OPRD1: variants seen among roughly 807,000 people sequenced by gnomAD.
The protein encoded by OPRD1 is delta-type opioid receptor.
Under a neutral mutation model 17.5 loss-of-function variants are expected in OPRD1, and 19 were observed. The ratio of observed to expected loss-of-function variants is 1.09; its 90% CI spans 0.76 to 1.60. The LOEUF (loss-of-function observed/expected upper bound fraction) is 1.60, where lower values mean the gene tolerates loss of function less well. Ranked by LOEUF, OPRD1 falls within the 40% of genes most tolerant of loss-of-function variation. The pLI is 0.00. For missense variants in OPRD1, 483 were observed against 547.2 expected (o/e 0.88, Z 1.17); for synonymous variants, 256 against 240.9 (o/e 1.06, Z -0.58).
intron 1 of OPRD1, among the ~76,000 whole-genome samples, chr1:28,821,300 A>G (rs1044416610): frequency 6.6e-6 from 1 of 151,964 alleles, no homozygotes; most frequent in African/African-American, 2.4e-5. Context: ...ATGGGGTGTC[A>G]CCATCTTGGC....
At chr1:28,821,398 G>A (rs1289226851) in intron 1 of OPRD1, among the ~76,000 whole-genome samples, 1 of 151,974 alleles carries the variant, frequency 6.6e-6, no homozygotes, top group East Asian at 1.9e-4. Flanking sequence ...ATGAGCCACC[G>A]TGCCCAGCTT....
intron 1 of OPRD1, among the ~76,000 whole-genome samples, chr1:28,819,852 G>T (rs1228433919): frequency 6.6e-6 from 1 of 152,176 alleles, no homozygotes; most frequent in Non-Finnish European, 1.5e-5. Flanking sequence ...AATCTCTGAG[G>T]CCTCTGCATG....
At chr1:28,852,183 A>G (rs1014989631) in intron 1 of OPRD1, among the ~76,000 whole-genome samples, 11 of 150,972 alleles carry the variant, frequency 7.3e-5, no homozygotes, top group East Asian at 5.8e-4. Flanking sequence ...AAAAAAAAAA[A>G]AAAGAAAAGA....
intron 1 of OPRD1, among the ~76,000 whole-genome samples, chr1:28,858,540 A>C (rs1191314437): frequency 6.8e-6 from 1 of 146,496 alleles, no homozygotes; most frequent in Non-Finnish European, 1.5e-5. Flanking sequence ...CCTTTGCCCC[A>C]ACCCTTTTTT....
At chr1:28,841,306 T>G (rs562453463) in intron 1 of OPRD1, among the ~76,000 whole-genome samples, 4 of 152,380 alleles carry the variant, frequency 2.6e-5, no homozygotes, top group African/African-American at 9.6e-5. Flanking sequence ...AGATGAATGC[T>G]ACGGTGTGGG....
At chr1:28,824,177 T>C (rs867830489) in intron 1 of OPRD1, among the ~76,000 whole-genome samples, 3,806 of 104,714 alleles carry the variant, frequency 0.036, 185 homozygotes, top group African/African-American at 0.12. Flanking sequence ...AGAACCTATC[T>C]CCAAAAAAAA....
intron 1 of OPRD1, among the ~76,000 whole-genome samples, chr1:28,817,906 G>T (rs1294255677): frequency 2.0e-5 from 3 of 149,656 alleles, no homozygotes; most frequent in African/African-American, 7.3e-5. Context: ...GCGGGGCGGG[G>T]GGGGGGTTTC....
In OPRD1 at chr1:28,863,378, G is replaced by A; in HGVS notation, c.*95G>A. The stretch of plus-strand genomic sequence containing the variant: ...GCGAGCCATGATGTGGAGTGGGGCA[G>A]TAGAAGGTCGGAGGCTTGGGACCGC... On this transcript the variant is annotated 3_prime_UTR_variant, in exon 3 of 3. Transcript: ENST00000234961. 2 of 1,325,880 alleles carry A rather than the reference G, an allele frequency of 1.5e-6. No individual in the cohort carries two copies. The highest frequency in any genetic ancestry group is 1.7e-5 in the South Asian group (1 of 58,924). The allele number at this position is 1,325,880 out of a possible 1,614,324, so 82.1% of individuals were successfully genotyped here.
intron 1 of OPRD1, among the ~76,000 whole-genome samples, chr1:28,829,675 A>C (rs1313263283): frequency 6.8e-6 from 1 of 147,046 alleles, no homozygotes; most frequent in East Asian, 2.1e-4. Context: ...GGCCTTCTAG[A>C]TTTTGATCTA....
intron 1 of OPRD1, among the ~76,000 whole-genome samples, chr1:28,820,252 T>A (rs1164420912): frequency 6.7e-6 from 1 of 149,800 alleles, no homozygotes; most frequent in African/African-American, 2.5e-5. Flanking sequence ...TGGAGTGCAG[T>A]GACGCAATCT....
chr1:28,832,616 CA>C (rs34518692), intron 1 of OPRD1, among the ~76,000 whole-genome samples: 73,883 of 146,008 alleles, frequency 0.51, 18,928 homozygotes, highest in East Asian at 0.81. Context: ...GACTCTGTCT[CA>C]AAAAAAAAAA....
At position 28,865,434 on chromosome 1, in the gene OPRD1, C is replaced by T. The variant is rs560185632; in HGVS notation, c.*2151C>T. ...GAACAAAAGCTGGGAGGCTGTCACT[C>T]CAGCAGGGACTGAATAGCATGCAGG... is the stretch of plus-strand genomic sequence containing the variant. On this transcript the variant is annotated 3_prime_UTR_variant, in exon 3 of 3. Coordinates refer to ENST00000234961, the MANE Select transcript of OPRD1 (RefSeq NM_000911.4). 1 of 152,352 alleles carries T rather than the reference C, an allele frequency of 6.6e-6. No homozygotes were observed. Among genetic ancestry groups the T allele is most frequent in the Admixed American group, 6.5e-5 (1 of 15,296 alleles). The allele number at this position is 152,352 out of a possible 1,614,324, so 9.4% of individuals were successfully genotyped here. A position where few individuals can be genotyped will look rare whatever the true frequency, so the allele number is the denominator to read the frequency against.
Position 28,867,463 on chromosome 1 carries a change from CCAA to C in OPRD1, c.*4181_*4183del, listed in dbSNP as rs2089184426. 1 of 152,178 alleles carries C rather than the reference CCAA, an allele frequency of 6.6e-6. No individual in the cohort carries two copies. Among genetic ancestry groups the C allele is most frequent in the African/African-American group, 2.4e-5 (1 of 41,434 alleles). The allele number at this position is 152,178 out of a possible 1,614,324, so 9.4% of individuals were successfully genotyped here. On this transcript the variant is annotated 3_prime_UTR_variant, in exon 3 of 3. Coordinates refer to ENST00000234961, the MANE Select transcript of OPRD1 (RefSeq NM_000911.4). The stretch of plus-strand genomic sequence containing the variant: ...CAGGGGATCTGCCCGCCTCAGCTTC[CCAA>C]AGTGCTGGGATTACAGGCGTGAGCC...
chr1:28,847,404 G>A (rs926912782), intron 1 of OPRD1, among the ~76,000 whole-genome samples: 1 of 152,166 alleles, frequency 6.6e-6, no homozygotes, highest in Non-Finnish European at 1.5e-5. Context: ...CAGGACCAGG[G>A]CAGAGGTCCA....
At position 28,850,358 on chromosome 1, in the gene OPRD1, T is replaced by C. The variant is rs916187790; in HGVS notation, c.228-8596T>C. 2.0e-5 allele frequency among the ~76,000 whole-genome samples: 3 copies of C among 149,774 alleles called. No individual in the cohort carries two copies. In the East Asian group the frequency reaches 6.1e-4, roughly 31 times the overall value. On this transcript the variant is annotated intron_variant, in intron 1 of 2. Transcript: ENST00000234961. ...ATTTTTTTGAGACGGAGTTTCACTC[T>C]TGTTGCCCAGGCTGGAGTGTAGTGG... is the stretch of plus-strand genomic sequence containing the variant.
At chr1:28,833,018 T>C (rs994939055) in intron 1 of OPRD1, among the ~76,000 whole-genome samples, 4 of 152,162 alleles carry the variant, frequency 2.6e-5, no homozygotes, top group African/African-American at 9.7e-5. Context: ...GGACTCAAAA[T>C]CATGAAGAAC....
At chr1:28,822,549 C>T (rs1054186837) in intron 1 of OPRD1, among the ~76,000 whole-genome samples, 15 of 152,044 alleles carry the variant, frequency 9.9e-5, no homozygotes, top group Admixed American at 4.6e-4. Flanking sequence ...GGCGCAATCT[C>T]GGCTCACTGC....
rs1009888292 is a variant in OPRD1 at position 28,870,256 on chromosome 1, C to CT, written c.*6986dup. On this transcript the variant is annotated 3_prime_UTR_variant, in exon 3 of 3. Transcript: ENST00000234961. ...TCTTTTTTTTTTTCTTTCTTTCTTT[C>CT]TTTTTTTTTTTTTAAGACAGAGTCT... The CT allele has an allele frequency of 4.6e-3, 627 of 135,164 alleles. 8 individuals are homozygous for CT. The highest frequency in any genetic ancestry group is 0.015 in the Middle Eastern group (4 of 274). 8.4% of individuals were successfully genotyped at this position (135,164 alleles called of 1,614,324 possible).
rs1490141465 is a variant in OPRD1, at chr1:28,865,094, T to A, written c.*1811T>A. On this transcript the variant is annotated 3_prime_UTR_variant, in exon 3 of 3. Coordinates refer to ENST00000234961, the MANE Select transcript of OPRD1 (RefSeq NM_000911.4). ...GGAGTTGGGTGTAGAAGTTTTTCTT[T>A]TCATTGGTTCGGCATTTTATTCAGG... 1 of 152,122 alleles carries A rather than the reference T, an allele frequency of 6.6e-6. No homozygotes were observed. The highest frequency in any genetic ancestry group is 1.5e-5 in the Non-Finnish European group (1 of 68,038). The allele number at this position is 152,122 out of a possible 1,614,324, so 9.4% of individuals were successfully genotyped here. A position where few individuals can be genotyped will look rare whatever the true frequency, so the allele number is the denominator to read the frequency against.
Sources: allele counts gnomAD v4.1 joint callset (sites outside exome capture counted in the v4.1 genomes callset), GRCh38; gene constraint gnomAD v4.1.1; transcripts MANE v1.5; gene names NCBI Gene and HGNC (gene_info 2026-07-23, HGNC 2026-07-21).